EGFLAM: variants seen among roughly 807,000 people sequenced by gnomAD.
EGFLAM encodes pikachurin.
Under a neutral mutation model 113.1 loss-of-function variants are expected in EGFLAM, and 79 were observed. The observed-to-expected ratio is 0.70, with a 90% CI of 0.58 to 0.84. The LOEUF is 0.84. Among genes scored for constraint, EGFLAM ranks in the 40% least tolerant of loss-of-function variants. The pLI is 0.00. For missense variants in EGFLAM, 1,265 were observed against 1,291.6 expected, an observed-to-expected ratio of 0.98 and a Z score of 0.32; for synonymous variants, 504 against 487.6, an observed-to-expected ratio of 1.03 and a Z score of -0.44.
intron 11 of EGFLAM, among the ~76,000 whole-genome samples, chr5:38,413,477 T>C (rs1016431714): frequency 1.7e-4 from 26 of 151,738 alleles, no homozygotes; most frequent in African/African-American, 6.1e-4. Flanking sequence ...GCCGTAATTG[T>C]AGGAAATGGT....
chr5:38,376,438 C>G (rs192548667), intron 6 of EGFLAM, among the ~76,000 whole-genome samples: 4 of 152,310 alleles, frequency 2.6e-5, no homozygotes, highest in African/African-American at 9.6e-5. Flanking sequence ...GGATACTATC[C>G]TCATGATATG....
At position 38,389,114 on chromosome 5, in the gene EGFLAM, C is replaced by T. The variant is rs549617251; in HGVS notation, c.713-17012C>T. Among the ~76,000 whole-genome samples, 3 of 152,162 alleles carry T rather than the reference C, an allele frequency of 2.0e-5. No homozygotes were observed. In the South Asian group the frequency reaches 6.2e-4, roughly 32 times the overall value. On this transcript the variant is annotated intron_variant, in intron 6 of 21. Coordinates refer to ENST00000322350, the MANE Select transcript of EGFLAM (RefSeq NM_152403.4). ...GCATGGCTAGATTTTTACTGATCCT[C>T]ATTAAAAATTAAGGGTGTTAATTTG...
intron 1 of EGFLAM, among the ~76,000 whole-genome samples, chr5:38,311,697 C>T (rs1738450072): frequency 6.6e-6 from 1 of 152,156 alleles, no homozygotes; most frequent in Admixed American, 6.5e-5. Context: ...AAAGCCCTTA[C>T]ACTTCCCTCC....
At chr5:38,393,970 G>A (rs1319700393) in intron 6 of EGFLAM, among the ~76,000 whole-genome samples, 2 of 152,140 alleles carry the variant, frequency 1.3e-5, no homozygotes, top group African/African-American at 4.8e-5. Context: ...GGCTCTCAGC[G>A]GAAAGGGAGG....
chr5:38,301,424 C>T (rs1758575746), intron 1 of EGFLAM, among the ~76,000 whole-genome samples: 1 of 151,998 alleles, frequency 6.6e-6, no homozygotes, highest in South Asian at 2.1e-4. Context: ...GGTATTTTAG[C>T]AGCATAGTGA....
chr5:38,265,668 T>C (rs926437358), intron 1 of EGFLAM, among the ~76,000 whole-genome samples: 7 of 152,200 alleles, frequency 4.6e-5, no homozygotes, highest in South Asian at 2.1e-4. Context: ...GGGGGTACTT[T>C]TGCTTCCTTG....
At chr5:38,409,173 A>G in intron 10 of EGFLAM, 69 bp downstream of exon 10, 1 of 1,237,408 alleles carries the variant, frequency 8.1e-7, no homozygotes, top group East Asian at 2.5e-5. Flanking sequence ...GCCTTTTTAT[A>G]GTATGAAAAA....
intron 15 of EGFLAM, among the ~76,000 whole-genome samples, chr5:38,433,233 C>T (rs1742242122): frequency 6.6e-6 from 1 of 152,162 alleles, no homozygotes; most frequent in Non-Finnish European, 1.5e-5. Context: ...AGGACCTAAG[C>T]ACCTAAGAGC....
chr5:38,438,558 C>A, intron 17 of EGFLAM, 103 bp downstream of exon 17: 1 of 1,157,518 alleles, frequency 8.6e-7, no homozygotes, highest in African/African-American at 1.6e-5. Context: ...AACAGTGGTA[C>A]AACCATAGTG....
intron 6 of EGFLAM, among the ~76,000 whole-genome samples, chr5:38,378,570 T>C (rs956606779): frequency 3.3e-5 from 5 of 152,232 alleles, no homozygotes; most frequent in African/African-American, 1.2e-4. Flanking sequence ...CCAAAGTCCC[T>C]GTGACTTATT....
chr5:38,447,589 CTACTAAAAA>C (rs1054232464), intron 17 of EGFLAM, among the ~76,000 whole-genome samples: 44 of 152,134 alleles, frequency 2.9e-4, no homozygotes, highest in African/African-American at 1.1e-3. Context: ...AACCCCATCT[CTACTAAAAA>C]TACAAAAATT....
chr5:38,433,385 T>G (rs748472671), intron 15 of EGFLAM, among the ~76,000 whole-genome samples: 1 of 152,154 alleles, frequency 6.6e-6, no homozygotes, highest in Non-Finnish European at 1.5e-5. Flanking sequence ...AGCCTGGAAG[T>G]TTGCTCAGCT....
intron 1 of EGFLAM, among the ~76,000 whole-genome samples, chr5:38,330,982 A>C (rs763918519): frequency 2.0e-4 from 31 of 152,220 alleles, no homozygotes; most frequent in Non-Finnish European, 4.3e-4. Context: ...CAGTGAGAAA[A>C]AAACTAAAAC....
intron 1 of EGFLAM, among the ~76,000 whole-genome samples, chr5:38,259,411 A>G (rs917178676): frequency 6.6e-6 from 1 of 152,182 alleles, no homozygotes; most frequent in African/African-American, 2.4e-5. Flanking sequence ...CCGTGTTTTG[A>G]ACTCCTGTCT....
intron 1 of EGFLAM, among the ~76,000 whole-genome samples, chr5:38,285,142 G>C (rs1758124905): frequency 6.6e-6 from 1 of 152,046 alleles, no homozygotes; most frequent in Admixed American, 6.6e-5. Flanking sequence ...AATAGCAATG[G>C]GAACTTTTTT....
chr5:38,383,700 G>A (rs1045660398), intron 6 of EGFLAM, among the ~76,000 whole-genome samples: 2 of 152,114 alleles, frequency 1.3e-5, no homozygotes, highest in African/African-American at 4.8e-5. Flanking sequence ...AATATCATCA[G>A]TAATGATAAG....
intron 17 of EGFLAM, among the ~76,000 whole-genome samples, chr5:38,443,037 G>A (rs7728446): frequency 0.013 from 1,955 of 152,106 alleles, 45 homozygotes; most frequent in African/African-American, 0.044. Context: ...AGGCTGAGGC[G>A]GGCGGATGAC....
chr5:38,298,034 C>T (rs957015149), intron 1 of EGFLAM, among the ~76,000 whole-genome samples: 8 of 152,110 alleles, frequency 5.3e-5, no homozygotes, highest in African/African-American at 1.2e-4. Context: ...CTGGGAAGAG[C>T]GGCTTGGAGA....
intron 1 of EGFLAM, among the ~76,000 whole-genome samples, chr5:38,316,076 C>CCA (rs761893507): frequency 3.2e-5 from 4 of 125,342 alleles, no homozygotes; most frequent in African/African-American, 8.7e-5. Context: ...GACTCTGTCC[C>CCA]AAAAAAAAAA....
Sources: allele counts gnomAD v4.1 joint callset (sites outside exome capture counted in the v4.1 genomes callset), GRCh38; gene constraint gnomAD v4.1.1; transcripts MANE v1.5; gene names NCBI Gene and HGNC (gene_info 2026-07-23, HGNC 2026-07-21).